The following ARSJ variants were observed in gnomAD, a reference collection of about 807,000 sequenced individuals.
ARSJ encodes the protein arylsulfatase family member J, also known as arylsulfatase J.
A neutral mutation model predicts 35.9 loss-of-function variants in ARSJ; 26 were observed. The ratio of observed to expected loss-of-function variants is 0.72; its 90% CI spans 0.53 to 1.00. The LOEUF (loss-of-function observed/expected upper bound fraction) is 1.00, where lower values mean the gene tolerates loss of function less well. Ranked by LOEUF, ARSJ falls within the 50% of genes least tolerant of loss-of-function variation. The probability of loss-of-function intolerance (pLI) is 0.00; values close to 1 mark genes in which losing one functional copy is unlikely to be tolerated. For synonymous variants in ARSJ, 294 were observed against 267.6 expected (o/e 1.10, Z -0.96); for missense variants, 667 against 723.6 (o/e 0.92, Z 0.90).
At chr4:113,943,860 G>A (rs1725311272) in intron 1 of ARSJ, among the ~76,000 whole-genome samples, 1 of 151,994 alleles carries the variant, frequency 6.6e-6, no homozygotes, top group Non-Finnish European at 1.5e-5. Flanking sequence ...AACAGAATTA[G>A]GGAAGATGGC....
At chr4:113,905,441 C>CA (rs934119365) in intron 1 of ARSJ, among the ~76,000 whole-genome samples, 9 of 151,986 alleles carry the variant, frequency 5.9e-5, no homozygotes, top group African/African-American at 2.2e-4. Flanking sequence ...GTGTTAATTG[C>CA]AACACACACT....
intron 1 of ARSJ, among the ~76,000 whole-genome samples, chr4:113,904,073 C>T (rs1210794590): frequency 1.5e-5 from 2 of 135,348 alleles, no homozygotes; most frequent in East Asian, 2.2e-4. Context: ...CAGGCATGCA[C>T]CAACATGCCC....
chr4:113,910,464 A>C (rs577568480), intron 1 of ARSJ, among the ~76,000 whole-genome samples: 1 of 152,332 alleles, frequency 6.6e-6, no homozygotes, highest in Admixed American at 6.5e-5. Context: ...AGAAATTCAT[A>C]TTTTGAAGGG....
Position 113,903,117 on chromosome 4 carries a change from G to A in ARSJ, c.957C>T (p.Asn319=). Residue 319 remains asparagine (N), a synonymous_variant, in exon 2 of 2, where the codon AAC becomes AAT. Transcript: ENST00000315366. ...LALKTYGFYN[N]SIIIYSSDNG... The stretch of plus-strand genomic sequence containing the variant: ...TATCTGAAGAGTAAATGATAATGCT[G>A]TTGTTATAGAAACCATAAGTCTTTA... 6.2e-7 allele frequency: 1 copy of A among 1,614,158 alleles called. No individual in the cohort carries two copies. The highest frequency in any genetic ancestry group is 1.7e-5 in the Admixed American group (1 of 60,018).
At chr4:113,977,588 T>C (rs1472407404) in intron 1 of ARSJ, among the ~76,000 whole-genome samples, 1 of 152,226 alleles carries the variant, frequency 6.6e-6, no homozygotes, top group African/African-American at 2.4e-5. Flanking sequence ...TTTATCTTCG[T>C]TCCACAGGCT....
intron 1 of ARSJ, among the ~76,000 whole-genome samples, chr4:113,960,329 G>T (rs1205797099): frequency 2.6e-5 from 4 of 152,002 alleles, no homozygotes; most frequent in Admixed American, 1.3e-4. Flanking sequence ...TATTGAATTT[G>T]ATGACAAGTG....
intron 1 of ARSJ, among the ~76,000 whole-genome samples, chr4:113,966,906 T>C (rs1323827383): frequency 1.3e-5 from 2 of 152,138 alleles, no homozygotes; most frequent in Non-Finnish European, 2.9e-5. Context: ...TTCTCATCTA[T>C]GGCTGGTCCT....
chr4:113,964,384 A>T (rs7673387), intron 1 of ARSJ, among the ~76,000 whole-genome samples: 147,903 of 152,184 alleles, frequency 0.97, 72,001 homozygotes, highest in East Asian at 1. Flanking sequence ...ATTTCATGAT[A>T]CAGTTCTCAG....
At chr4:113,970,655 T>G (rs923647682) in intron 1 of ARSJ, 1 of 151,990 alleles carries the variant, frequency 6.6e-6, no homozygotes, top group Admixed American at 6.6e-5. Context: ...ATGTGTTGGG[T>G]AAATTAGAGG....
intron 1 of ARSJ, among the ~76,000 whole-genome samples, chr4:113,903,991 C>T (rs951846210): frequency 6.6e-6 from 1 of 152,098 alleles, no homozygotes; most frequent in Non-Finnish European, 1.5e-5. Flanking sequence ...GGCGTGATCT[C>T]GGCTCACTGC....
At chr4:113,921,469 T>C (rs1196880489) in intron 1 of ARSJ, among the ~76,000 whole-genome samples, 1 of 152,096 alleles carries the variant, frequency 6.6e-6, no homozygotes, top group Non-Finnish European at 1.5e-5. Flanking sequence ...GGGCAAAGGC[T>C]CTCAAAGTTA....
intron 1 of ARSJ, among the ~76,000 whole-genome samples, chr4:113,972,294 AAAAAAAAAAAAAC>A (rs200297074): frequency 0.016 from 803 of 50,074 alleles, 13 homozygotes; most frequent in South Asian, 0.029. Flanking sequence ...GATGATCTGG[AAAAAAAAAAAAAC>A]AAAAAAAAAA....
In ARSJ at chr4:113,903,489, G is replaced by T. The variant is rs765118953; in HGVS notation, c.585C>A (p.Thr195=). ...CACTTCCCAAAAGGGAACCAAAAAA[G>T]GTATCAAATCCTCTTCTGGTGGGCA... ...ECMPTRRGFD[T]FFGSLLGSGD... is the part of the protein sequence containing the mutation. Residue 195 remains threonine, a synonymous_variant, in exon 2 of 2, where the codon ACC becomes ACA. Coordinates refer to ENST00000315366, the MANE Select transcript of ARSJ (RefSeq NM_024590.4). The T allele has an allele frequency of 6.2e-7, 1 of 1,614,106 alleles. No individual in the cohort carries two copies. The highest frequency in any genetic ancestry group is 1.1e-5 in the South Asian group (1 of 91,078).
At chr4:113,942,773 AT>A (rs1162866986) in intron 1 of ARSJ, among the ~76,000 whole-genome samples, 3 of 152,192 alleles carry the variant, frequency 2.0e-5, no homozygotes, top group African/African-American at 7.2e-5. Context: ...TATGAAGAAA[AT>A]TTACCACGTT....
In ARSJ at chr4:113,917,082, G is replaced by A. The variant is rs187298503; in HGVS notation, c.399-13407C>T. ...GTTTCCAAAATATTATACAAATACT[G>A]TATCTATTAACCTGGGAAAGCATAC... On this transcript the variant is annotated intron_variant, in intron 1 of 1. Coordinates refer to ENST00000315366, the MANE Select transcript of ARSJ (RefSeq NM_024590.4). 2.1e-3 allele frequency among the ~76,000 whole-genome samples: 319 copies of A among 152,122 alleles called. 1 individual carries two copies. Among genetic ancestry groups the A allele is most frequent in the African/African-American group, 7.1e-3 (296 of 41,496 alleles).
intron 1 of ARSJ, among the ~76,000 whole-genome samples, chr4:113,965,025 A>G (rs1262309258): frequency 1.3e-5 from 2 of 152,152 alleles, no homozygotes; most frequent in African/African-American, 4.8e-5. Flanking sequence ...ACTTCAAAAC[A>G]CTGTAACAAA....
intron 1 of ARSJ, among the ~76,000 whole-genome samples, chr4:113,943,720 G>A (rs916459690): frequency 2.6e-5 from 4 of 152,004 alleles, no homozygotes; most frequent in Non-Finnish European, 2.9e-5. Flanking sequence ...TGACACCTGA[G>A]TAATGAGATG....
At chr4:113,956,776 T>C (rs968587967) in intron 1 of ARSJ, among the ~76,000 whole-genome samples, 3 of 151,976 alleles carry the variant, frequency 2.0e-5, no homozygotes, top group Admixed American at 6.6e-5. Flanking sequence ...TGCAAGTAGA[T>C]CACAGGGTAC....
chr4:113,916,340 C>T (rs369922528), intron 1 of ARSJ, among the ~76,000 whole-genome samples: 4 of 152,222 alleles, frequency 2.6e-5, no homozygotes, highest in African/African-American at 9.6e-5. Flanking sequence ...TGCCGCTCAA[C>T]CTGAACCTCA....
Sources: gnomAD v4.1 joint callset for allele counts (sites outside exome capture counted in the v4.1 genomes callset) on GRCh38, gnomAD v4.1.1 for gene constraint, MANE v1.5 for transcripts, NCBI Gene and HGNC (gene_info 2026-07-23, HGNC 2026-07-21) for gene names.